The following PCDHGB6 variants were observed in gnomAD, a reference collection of about 807,000 sequenced individuals.
PCDHGB6 encodes protocadherin gamma-B6.
Under a neutral mutation model 59.1 loss-of-function variants are expected in PCDHGB6, and 51 were observed. The ratio of observed to expected loss-of-function variants is 0.86; its 90% CI spans 0.69 to 1.09. The LOEUF (loss-of-function observed/expected upper bound fraction) is 1.09, where lower values mean the gene tolerates loss of function less well. PCDHGB6 is among the 50% of genes least tolerant of loss of function. The pLI, the probability that PCDHGB6 is intolerant of heterozygous loss-of-function variation, is 0.00. For synonymous variants in PCDHGB6, 466 were observed against 495.1 expected, an observed-to-expected ratio of 0.94 and a Z score of 0.78; for missense variants, 1,148 against 1,205.1, an observed-to-expected ratio of 0.95 and a Z score of 0.70.
chr5:141,481,434 A>C (rs1374254063), intron 1 of PCDHGB6, among the ~76,000 whole-genome samples: 1 of 152,256 alleles, frequency 6.6e-6, no homozygotes, highest in East Asian at 1.9e-4. Context: ...TGATTGTATC[A>C]GTTTAGTACA....
At position 141,491,692 on chromosome 5, in the gene PCDHGB6, C is replaced by T. The variant is rs749349869; in HGVS notation, c.2419-3115C>T. On this transcript the variant is annotated intron_variant, in intron 1 of 3. Coordinates refer to ENST00000520790, the MANE Select transcript of PCDHGB6 (RefSeq NM_018926.3). This position sits in a 1 kb window ranked among gnomAD's most constrained non-coding sequence, Gnocchi z 6.9. ...GTCCCGCTCTAATACGCTGCGGGAG[C>T]GGAGCCAGGTGAGGGGCTCGGCGCC... is the stretch of plus-strand genomic sequence containing the variant. 1 of 1,612,594 alleles carries T rather than the reference C, an allele frequency of 6.2e-7. No homozygotes were observed. The highest frequency in any genetic ancestry group is 8.5e-7 in the Non-Finnish European group (1 of 1,179,340).
In PCDHGB6 at chr5:141,432,399, C is replaced by T. The variant is rs2097496727; in HGVS notation, c.2418+21779C>T. ...CACCCGCCCCTCAGCAGCAACGTGT[C>T]GTTGAGCCTGTTCGTGCTGGACCAG... is the stretch of plus-strand genomic sequence containing the variant. On this transcript the variant is annotated intron_variant, in intron 1 of 3. Coordinates refer to ENST00000520790, the MANE Select transcript of PCDHGB6 (RefSeq NM_018926.3). This position sits in a 1 kb window ranked among gnomAD's most constrained non-coding sequence, Gnocchi z 6.0. 1.2e-6 allele frequency: 2 copies of T among 1,614,240 alleles called. No homozygotes were observed. Among genetic ancestry groups the T allele is most frequent in the Non-Finnish European group, 1.7e-6 (2 of 1,180,040 alleles).
chr5:141,441,823 C>A (rs538052540), intron 1 of PCDHGB6: 6 of 357,336 alleles, frequency 1.7e-5, no homozygotes, highest in South Asian at 7.1e-5. Flanking sequence ...AGCTCTGGAG[C>A]GCAATGGCTT....
chr5:141,415,102 A>G, intron 1 of PCDHGB6: 2 of 1,613,550 alleles, frequency 1.2e-6, no homozygotes, highest in Non-Finnish European at 8.5e-7. Flanking sequence ...AGACGCGCTC[A>G]AGCAAAGCCT....
intron 1 of PCDHGB6, chr5:141,419,150 C>T (rs1276109093): frequency 1.2e-6 from 2 of 1,613,850 alleles, no homozygotes; most frequent in Admixed American, 3.3e-5. Flanking sequence ...GGGCAAGCCT[C>T]CGTTATCCTC....
chr5:141,467,295 C>T (rs2099141170), intron 1 of PCDHGB6, among the ~76,000 whole-genome samples: 1 of 152,114 alleles, frequency 6.6e-6, no homozygotes, highest in South Asian at 2.1e-4. Flanking sequence ...TCAAGTGATC[C>T]ACTCACCTCG....
chr5:141,422,499 A>G lies in PCDHGB6; in HGVS notation c.2418+11879A>G. 3 of 1,614,036 alleles carry G rather than the reference A, an allele frequency of 1.9e-6. No homozygotes were observed. The South Asian group carries it at 3.3e-5, about 18-fold the overall frequency. On this transcript the variant is annotated intron_variant, in intron 1 of 3. Coordinates refer to ENST00000520790, the MANE Select transcript of PCDHGB6 (RefSeq NM_018926.3). ...TCCAGAGCTACAATATAACGTTGAC[A>G]GCCACAGACCAGGGAAGCCCGCCTT...
intron 1 of PCDHGB6, chr5:141,421,585 G>A: frequency 1.2e-6 from 2 of 1,613,916 alleles, no homozygotes; most frequent in Non-Finnish European, 1.7e-6. Context: ...GATTTACGGA[G>A]TGGAGGTGGA....
chr5:141,461,591 C>T (rs1368759571), intron 1 of PCDHGB6, among the ~76,000 whole-genome samples: 1 of 152,088 alleles, frequency 6.6e-6, no homozygotes, highest in Non-Finnish European at 1.5e-5. Flanking sequence ...GTTATATTTC[C>T]ATTATAATTT....
At chr5:141,458,803 G>A (rs2098953701) in intron 1 of PCDHGB6, among the ~76,000 whole-genome samples, 2 of 152,130 alleles carry the variant, frequency 1.3e-5, no homozygotes, top group African/African-American at 4.8e-5. Flanking sequence ...TGTGATCTCA[G>A]CTCACTGCAA....
At position 141,425,978 on chromosome 5, in the gene PCDHGB6, A is replaced by T. The variant is rs182438141; in HGVS notation, c.2418+15358A>T. Among the ~76,000 whole-genome samples the T allele has an allele frequency of 3.9e-3, 592 of 152,340 alleles. 5 individuals carry two copies. Among genetic ancestry groups the T allele is most frequent in the African/African-American group, 0.014 (563 of 41,588 alleles). ...AGTCCAACACATCAGTCTAATTCTG[A>T]ATCCCATTGAATTAGCAAAGGCTTC... On this transcript the variant is annotated intron_variant, in intron 1 of 3. Coordinates refer to ENST00000520790, the MANE Select transcript of PCDHGB6 (RefSeq NM_018926.3).
intron 1 of PCDHGB6, among the ~76,000 whole-genome samples, chr5:141,445,007 G>T (rs771023003): frequency 1.3e-5 from 2 of 151,994 alleles, no homozygotes; most frequent in African/African-American, 4.8e-5. Flanking sequence ...ATTTAATTAG[G>T]TCTTTAATTT....
chr5:141,449,630 T>G (rs1006977026), intron 1 of PCDHGB6, among the ~76,000 whole-genome samples: 2 of 150,024 alleles, frequency 1.3e-5, no homozygotes, highest in Non-Finnish European at 3.0e-5. Flanking sequence ...TTTAAAAAGA[T>G]GTATCTATAT....
At chr5:141,421,376 C>T in intron 1 of PCDHGB6, 2 of 1,614,030 alleles carry the variant, frequency 1.2e-6, no homozygotes, top group Non-Finnish European at 1.7e-6. Context: ...GGCAATATCT[C>T]CAAGGACCTG....
intron 1 of PCDHGB6, among the ~76,000 whole-genome samples, chr5:141,443,679 A>G (rs1158105871): frequency 6.6e-6 from 1 of 152,268 alleles, no homozygotes; most frequent in African/African-American, 2.4e-5. Flanking sequence ...AGTAGTTTAC[A>G]AACACTTCAA....
chr5:141,439,131 T>A (rs2098090046), intron 1 of PCDHGB6, among the ~76,000 whole-genome samples: 1 of 150,502 alleles, frequency 6.6e-6, no homozygotes, highest in Non-Finnish European at 1.5e-5. Flanking sequence ...AGACAGAGGT[T>A]GCAGTGAGCT....
chr5:141,416,791 G>A (rs1389798483), intron 1 of PCDHGB6: 2 of 152,166 alleles, frequency 1.3e-5, no homozygotes, highest in South Asian at 2.1e-4. Context: ...TCTACTAAAT[G>A]TGGTAGTATA....
At chr5:141,436,042 T>A (rs1246680632) in intron 1 of PCDHGB6, among the ~76,000 whole-genome samples, 4 of 152,182 alleles carry the variant, frequency 2.6e-5, no homozygotes, top group Non-Finnish European at 5.9e-5. Context: ...TGTATTTACA[T>A]TAGTTTTCAA....
chr5:141,492,501 G>A (rs551410616), intron 1 of PCDHGB6, among the ~76,000 whole-genome samples: 8 of 152,302 alleles, frequency 5.3e-5, no homozygotes, highest in East Asian at 1.9e-4. Flanking sequence ...CGAGGACTCC[G>A]GAGCCTCCTC....
Sources: gnomAD v4.1 joint callset for allele counts (sites outside exome capture counted in the v4.1 genomes callset) on GRCh38, gnomAD v4.1.1 for gene constraint, Gnocchi (gnomAD v3.1) non-coding constraint, MANE v1.5 for transcripts, NCBI Gene and HGNC (gene_info 2026-07-23, HGNC 2026-07-21) for gene names.